Variants in MEF2A observed in about 807,000 individuals in gnomAD.
MEF2A encodes myocyte enhancer factor 2A.
MEF2A carries 28 observed loss-of-function variants against 55.8 expected under a neutral mutation model. The ratio of observed to expected loss-of-function variants is 0.50; its 90% CI spans 0.37 to 0.69. The LOEUF (loss-of-function observed/expected upper bound fraction) is 0.69, where lower values mean the gene tolerates loss of function less well. Ranked by LOEUF, MEF2A falls within the 30% of genes least tolerant of loss-of-function variation. MEF2A has a pLI of 0.00. For missense variants in MEF2A, 528 were observed against 626.2 expected (o/e 0.84, Z 1.67); for synonymous variants, 239 against 227.1 (o/e 1.05, Z -0.47).
intron 9 of MEF2A, among the ~76,000 whole-genome samples, chr15:99,706,275 C>T (rs566637643): frequency 2.0e-5 from 3 of 152,226 alleles, no homozygotes; most frequent in African/African-American, 7.2e-5. Flanking sequence ...GACTTCAAAC[C>T]GTGTTAACAC....
At chr15:99,587,017 A>G (rs1199519974) in intron 1 of MEF2A, among the ~76,000 whole-genome samples, 2 of 151,882 alleles carry the variant, frequency 1.3e-5, no homozygotes, top group Non-Finnish European at 1.5e-5. Flanking sequence ...AGCACACTGT[A>G]TTAAATAGTC....
At chr15:99,687,231 G>T (rs575253301) in intron 7 of MEF2A, among the ~76,000 whole-genome samples, 67 of 151,536 alleles carry the variant, frequency 4.4e-4, no homozygotes, top group Non-Finnish European at 8.5e-4. Flanking sequence ...TGACCCAGAG[G>T]CAAACCATTT....
At chr15:99,689,733 G>A (rs28497795) in intron 7 of MEF2A, among the ~76,000 whole-genome samples, 1 of 152,060 alleles carries the variant, frequency 6.6e-6, no homozygotes, top group Non-Finnish European at 1.5e-5. Flanking sequence ...CACCCTCCTC[G>A]GCATACCGAA....
intron 7 of MEF2A, among the ~76,000 whole-genome samples, chr15:99,689,747 C>T (rs925097560): frequency 1.3e-5 from 2 of 152,236 alleles, no homozygotes; most frequent in African/African-American, 4.8e-5. Context: ...TACCGAAGTG[C>T]TGGGATTACA....
intron 8 of MEF2A, among the ~76,000 whole-genome samples, chr15:99,693,839 T>C (rs1213902529): frequency 1.3e-5 from 2 of 152,216 alleles, no homozygotes; most frequent in Non-Finnish European, 2.9e-5. Context: ...ATAAGTAAAC[T>C]CTGGTTTTCC....
rs77012793 is a variant in MEF2A at position 99,660,649 on chromosome 15, A to C, written c.259-10674A>C. ...ATGAATAAGAAAGAAATAAACTTTC[A>C]TTGTGTTAAGCCACTGAGATTTATG... On this transcript the variant is annotated intron_variant, in intron 4 of 11. Coordinates refer to ENST00000557942, the MANE Select transcript of MEF2A (RefSeq NM_001319206.4). 2.5e-3 allele frequency among the ~76,000 whole-genome samples: 375 copies of C among 152,310 alleles called. 1 individual carries two copies. The highest frequency in any genetic ancestry group is 8.5e-3 in the African/African-American group (353 of 41,566).
chr15:99,672,482 ATCTGATTTCCTAAT>A (rs1209496392), intron 5 of MEF2A, among the ~76,000 whole-genome samples: 1 of 152,190 alleles, frequency 6.6e-6, no homozygotes, highest in African/African-American at 2.4e-5. Context: ...GTTATTCTGG[ATCTGATTTCCTAAT>A]TCTGTATATG....
At chr15:99,594,461 T>TTC (rs1239501873) in intron 1 of MEF2A, among the ~76,000 whole-genome samples, 1 of 2,326 alleles carries the variant, frequency 4.3e-4, no homozygotes, top group African/African-American at 4.0e-3. Flanking sequence ...CTTTCTTTCT[T>TTC]TTTTTTTTTT....
chr15:99,621,628 T>C (rs1367835478), intron 2 of MEF2A, among the ~76,000 whole-genome samples: 1 of 152,188 alleles, frequency 6.6e-6, no homozygotes, highest in Non-Finnish European at 1.5e-5. Flanking sequence ...CCAATGCTTA[T>C]TTTTAGCCCT....
chr15:99,689,358 T>G (rs1247637492), intron 7 of MEF2A, among the ~76,000 whole-genome samples: 1 of 152,222 alleles, frequency 6.6e-6, no homozygotes, highest in Non-Finnish European at 1.5e-5. Context: ...TACTCAGAAC[T>G]TAGTGGTAGC....
intron 1 of MEF2A, among the ~76,000 whole-genome samples, chr15:99,579,092 G>C (rs1000103431): frequency 1.3e-4 from 20 of 151,898 alleles, no homozygotes; most frequent in Admixed American, 5.9e-4. Context: ...TTCTTTCTTG[G>C]GTGCCTTGCA....
At chr15:99,710,126 C>A (rs2058467559) in intron 10 of MEF2A, among the ~76,000 whole-genome samples, 1 of 152,164 alleles carries the variant, frequency 6.6e-6, no homozygotes, top group Non-Finnish European at 1.5e-5. Context: ...TTGAATCATC[C>A]CAGACAAAGA....
At chr15:99,679,878 T>G (rs2052884143) in intron 7 of MEF2A, among the ~76,000 whole-genome samples, 1 of 152,230 alleles carries the variant, frequency 6.6e-6, no homozygotes, top group African/African-American at 2.4e-5. Flanking sequence ...ATGTACATTT[T>G]GTGGTATTTA....
chr15:99,669,500 C>A lies in MEF2A; in HGVS notation c.259-1823C>A, dbSNP rs531697634. The stretch of plus-strand genomic sequence containing the variant: ...TGCCTTTATCCTTTAGTGCTCCCAA[C>A]AACAGGACCTTTTATGGCCAAGCAC... On this transcript the variant is annotated intron_variant, in intron 4 of 11. Coordinates refer to ENST00000557942, the MANE Select transcript of MEF2A (RefSeq NM_001319206.4). Among the ~76,000 whole-genome samples the A allele has an allele frequency of 2.6e-5, 4 of 152,310 alleles. 1 individual carries two copies. Among genetic ancestry groups the A allele is most frequent in the South Asian group, 2.1e-4 (1 of 4,828 alleles).
intron 4 of MEF2A, among the ~76,000 whole-genome samples, chr15:99,665,074 C>T (rs1309151786): frequency 6.6e-6 from 1 of 152,148 alleles, no homozygotes; most frequent in Non-Finnish European, 1.5e-5. Context: ...GAAACAATTT[C>T]TGGAAACAAG....
chr15:99,674,641 C>A, intron 6 of MEF2A, 29 bp downstream of exon 6: 1 of 1,555,484 alleles, frequency 6.4e-7, no homozygotes, highest in South Asian at 1.1e-5. Flanking sequence ...TATGCTGGTT[C>A]TTTAATAAAG....
At chr15:99,572,498 T>C (rs754442671) in intron 1 of MEF2A, among the ~76,000 whole-genome samples, 17 of 150,316 alleles carry the variant, frequency 1.1e-4, no homozygotes, top group Non-Finnish European at 1.9e-4. Flanking sequence ...ATGGTATTTG[T>C]CCATTACCTG....
At chr15:99,643,979 A>G (rs1002088065) in intron 3 of MEF2A, among the ~76,000 whole-genome samples, 11 of 152,236 alleles carry the variant, frequency 7.2e-5, no homozygotes, top group African/African-American at 2.4e-4. Flanking sequence ...ACATGTAAAT[A>G]TGTATCATGA....
intron 8 of MEF2A, among the ~76,000 whole-genome samples, chr15:99,694,948 C>T (rs1401701983): frequency 2.0e-5 from 3 of 150,362 alleles, no homozygotes; most frequent in Non-Finnish European, 3.0e-5. Context: ...CTACTTGATT[C>T]CTATGTCCCT....
Sources: gnomAD v4.1 joint callset for allele counts (sites outside exome capture counted in the v4.1 genomes callset) on GRCh38, gnomAD v4.1.1 for gene constraint, MANE v1.5 for transcripts, NCBI Gene and HGNC (gene_info 2026-07-23, HGNC 2026-07-21) for gene names.